ESR1: variants seen among roughly 807,000 people sequenced by gnomAD.
ESR1 encodes estrogen receptor.
ESR1 carries 12 observed loss-of-function variants against 52.7 expected under a neutral mutation model. The ratio of observed to expected loss-of-function variants is 0.23; its 90% confidence interval spans 0.15 to 0.37. The LOEUF (loss-of-function observed/expected upper bound fraction) is 0.37, where lower values mean the gene tolerates loss of function less well. Ranked by LOEUF, ESR1 falls within the 10% of genes least tolerant of loss-of-function variation. ESR1 has a pLI of 1.00. For missense variants in ESR1, 584 were observed against 779.7 expected, an observed-to-expected ratio of 0.75 and a Z score of 2.99; for synonymous variants, 305 against 316.8, an observed-to-expected ratio of 0.96 and a Z score of 0.39.
intron 4 of ESR1, among the ~76,000 whole-genome samples, chr6:151,995,073 C>A (rs2041358214): frequency 6.6e-6 from 1 of 152,074 alleles, no homozygotes; most frequent in African/African-American, 2.4e-5. Flanking sequence ...GAGGGTGAGA[C>A]CATGTGGAGC....
intron 5 of ESR1, among the ~76,000 whole-genome samples, chr6:152,040,995 G>C (rs2045746730): frequency 6.6e-6 from 1 of 152,180 alleles, no homozygotes. Flanking sequence ...GGCTAGATGG[G>C]TCAAAAAGCA....
intron 6 of ESR1, among the ~76,000 whole-genome samples, chr6:152,115,258 T>C (rs975083293): frequency 2.0e-5 from 3 of 152,174 alleles, no homozygotes; most frequent in Non-Finnish European, 4.4e-5. Flanking sequence ...TTGATTTCAT[T>C]TTATAAAAAT....
intron 6 of ESR1, among the ~76,000 whole-genome samples, chr6:152,082,552 C>A (rs2129011564): frequency 6.6e-6 from 1 of 152,282 alleles, no homozygotes. Flanking sequence ...AAAACCAGCA[C>A]AAGATAAGAA....
chr6:151,750,528 T>C (rs546521663), intron 2 of ESR1, among the ~76,000 whole-genome samples: 26 of 152,314 alleles, frequency 1.7e-4, no homozygotes, highest in African/African-American at 5.8e-4. Context: ...TTTCTTTTAG[T>C]GAAGAACATT....
chr6:152,005,158 G>A (rs942262652), intron 4 of ESR1, among the ~76,000 whole-genome samples: 8 of 151,926 alleles, frequency 5.3e-5, no homozygotes, highest in African/African-American at 1.9e-4. Context: ...ATTTCTAATT[G>A]GGGGTGTATG....
At chr6:151,912,358 G>A (rs917636014) in intron 3 of ESR1, among the ~76,000 whole-genome samples, 20 of 152,160 alleles carry the variant, frequency 1.3e-4, no homozygotes, top group African/African-American at 4.3e-4. Flanking sequence ...TTTGTTTCAC[G>A]TGTCTCCCTT....
At chr6:152,034,211 C>T (rs1432756415) in intron 5 of ESR1, among the ~76,000 whole-genome samples, 4 of 151,902 alleles carry the variant, frequency 2.6e-5, no homozygotes, top group African/African-American at 9.7e-5. Flanking sequence ...ATGGGTGCAG[C>T]ACACCAACAT....
At chr6:152,076,401 T>C (rs1237597591) in intron 6 of ESR1, among the ~76,000 whole-genome samples, 1 of 152,190 alleles carries the variant, frequency 6.6e-6, no homozygotes, top group African/African-American at 2.4e-5. Flanking sequence ...AAACCTCTTT[T>C]TCTTCCCAGT....
At chr6:152,066,683 C>A (rs576449911) in intron 6 of ESR1, among the ~76,000 whole-genome samples, 44 of 152,328 alleles carry the variant, frequency 2.9e-4, no homozygotes, top group African/African-American at 9.6e-4. Context: ...AACTTTGGAG[C>A]CTTTCTCTGC....
At chr6:151,917,908 T>C (rs948789709) in intron 3 of ESR1, among the ~76,000 whole-genome samples, 1 of 152,242 alleles carries the variant, frequency 6.6e-6, no homozygotes, top group Non-Finnish European at 1.5e-5. Flanking sequence ...GCTCCCTACG[T>C]ATTTGCTTTG....
At chr6:152,050,292 A>T (rs1333040686) in intron 5 of ESR1, among the ~76,000 whole-genome samples, 3 of 152,182 alleles carry the variant, frequency 2.0e-5, no homozygotes, top group Non-Finnish European at 2.9e-5. Context: ...CTCAGGGAAG[A>T]TAGCACTGGC....
chr6:151,924,188 G>T lies in ESR1; in HGVS notation c.761-19985G>T, dbSNP rs367666294. Among the ~76,000 whole-genome samples the T allele has an allele frequency of 1.6e-4, 25 of 152,040 alleles. No homozygotes were observed. In the South Asian group the frequency reaches 3.3e-3, roughly 20 times the overall value. On this transcript the variant is annotated intron_variant, in intron 3 of 7. Transcript: ENST00000206249. ...CTCCCAAGTACCTGGGATTACAGGC[G>T]CCTGCCACCATACCCGGCTAATTGT...
intron 1 of ESR1, among the ~76,000 whole-genome samples, chr6:151,677,922 A>G (rs1778307430): frequency 1.3e-5 from 2 of 152,182 alleles, no homozygotes; most frequent in Admixed American, 6.5e-5. Context: ...AAACTCACAC[A>G]TTCTCTTAGG....
At chr6:151,901,326 G>A (rs964928966) in intron 3 of ESR1, among the ~76,000 whole-genome samples, 15 of 152,148 alleles carry the variant, frequency 9.9e-5, no homozygotes, top group African/African-American at 2.7e-4. Context: ...TGCAGGCAGC[G>A]GATGAGCAAG....
At chr6:151,954,844 T>C (rs570282018) in intron 4 of ESR1, among the ~76,000 whole-genome samples, 1 of 152,350 alleles carries the variant, frequency 6.6e-6, no homozygotes, top group Non-Finnish European at 1.5e-5. Flanking sequence ...TCTTTATTGC[T>C]GTCTACAATT....
intron 3 of ESR1, among the ~76,000 whole-genome samples, chr6:151,886,972 C>T (rs970055013): frequency 5.3e-5 from 8 of 149,826 alleles, no homozygotes; most frequent in African/African-American, 7.4e-5. Flanking sequence ...ACTCAGGAGA[C>T]GGAGGTTGCA....
intron 2 of ESR1, among the ~76,000 whole-genome samples, chr6:151,849,992 A>ATATAAAAAAT (rs1554268078): frequency 9.7e-6 from 1 of 103,124 alleles, no homozygotes; most frequent in Non-Finnish European, 1.9e-5. Context: ...ATATATATAT[A>ATATAAAAAAT]TATATATATA....
intron 1 of ESR1, among the ~76,000 whole-genome samples, chr6:151,697,448 A>G (rs936669099): frequency 7.2e-5 from 11 of 152,238 alleles, no homozygotes; most frequent in African/African-American, 2.7e-4. Flanking sequence ...CCGTCAAAAC[A>G]TTATACTAGT....
chr6:151,684,108 T>G (rs147627129), intron 1 of ESR1, among the ~76,000 whole-genome samples: 40 of 152,186 alleles, frequency 2.6e-4, no homozygotes, highest in African/African-American at 9.4e-4. Flanking sequence ...GCTTCAGTAG[T>G]GCTTGTTGCT....
Sources: gnomAD v4.1 joint callset for allele counts (sites outside exome capture counted in the v4.1 genomes callset) on GRCh38, gnomAD v4.1.1 for gene constraint, MANE v1.5 for transcripts, NCBI Gene and HGNC (gene_info 2026-07-23, HGNC 2026-07-21) for gene names.